The following RANBP9 variants were observed in gnomAD, a reference collection of about 807,000 sequenced individuals.
RANBP9 encodes the protein ran-binding protein 9.
Under a neutral mutation model 84.3 loss-of-function variants are expected in RANBP9, and 15 were observed. The observed-to-expected ratio is 0.18, with a 90% CI of 0.12 to 0.27. The LOEUF is 0.27. Among genes scored for constraint, RANBP9 ranks in the 10% least tolerant of loss-of-function variants. RANBP9 has a pLI of 1.00. For synonymous variants in RANBP9, 392 were observed against 349.6 expected, an observed-to-expected ratio of 1.12 and a Z score of -1.35; for missense variants, 809 against 912.8, an observed-to-expected ratio of 0.89 and a Z score of 1.46.
intron 6 of RANBP9, among the ~76,000 whole-genome samples, chr6:13,644,169 C>T (rs573334401): frequency 3.3e-5 from 5 of 152,250 alleles, no homozygotes; most frequent in African/African-American, 1.2e-4. Flanking sequence ...ATTATAAGAT[C>T]TAGATTATCT....
chr6:13,636,734 C>T (rs1764947678), intron 10 of RANBP9, among the ~76,000 whole-genome samples: 1 of 152,206 alleles, frequency 6.6e-6, no homozygotes, highest in African/African-American at 2.4e-5. Context: ...TTCTGCTCTT[C>T]TCATACACTT....
chr6:13,650,540 C>T (rs113392265), intron 5 of RANBP9, among the ~76,000 whole-genome samples: 389 of 152,088 alleles, frequency 2.6e-3, no homozygotes, highest in African/African-American at 9.1e-3. Flanking sequence ...TGCACAGGAG[C>T]GATTTGTTAA....
At chr6:13,666,712 A>ATGATGGTACT (rs995628889) in intron 2 of RANBP9, among the ~76,000 whole-genome samples, 1 of 151,436 alleles carries the variant, frequency 6.6e-6, no homozygotes, top group African/African-American at 2.4e-5. Context: ...GCAGTAAGAC[A>ATGATGGTACT]TGATGGTACT....
intron 2 of RANBP9, among the ~76,000 whole-genome samples, chr6:13,678,917 T>C (rs936744421): frequency 3.3e-5 from 5 of 152,210 alleles, no homozygotes; most frequent in Non-Finnish European, 5.9e-5. Context: ...TTTAAGTATA[T>C]GCATGCTCAA....
At chr6:13,706,495 C>G (rs1414077219) in intron 1 of RANBP9, among the ~76,000 whole-genome samples, 1 of 149,828 alleles carries the variant, frequency 6.7e-6, no homozygotes, top group East Asian at 2.0e-4. Context: ...GAGATCGAGA[C>G]CATCCTGGCC....
In RANBP9 at chr6:13,644,594, G is replaced by T. The variant is rs760527327; in HGVS notation, c.1063C>A (p.Arg355=). The change falls in exon 6 of 14, where the codon CGA becomes AGA. Residue 355 remains arginine (R), a synonymous_variant. Transcript: ENST00000011619. ...WRTKIQAQID[R]FPIGDREGEW... ...CCTTCTCGATCTCCGATAGGAAATC[G>T]ATCTATCTGTGCCTGGATTTTGGTT... 2.5e-6 allele frequency: 4 copies of T among 1,612,786 alleles called. No individual in the cohort carries two copies. The highest frequency in any genetic ancestry group is 3.4e-6 in the Non-Finnish European group (4 of 1,179,548).
chr6:13,707,696 C>G (rs543732189), intron 1 of RANBP9, among the ~76,000 whole-genome samples: 80 of 152,286 alleles, frequency 5.3e-4, no homozygotes, highest in African/African-American at 1.8e-3. Flanking sequence ...AGGATCTTGT[C>G]CAGATCCACT....
At chr6:13,700,859 C>T (rs968219460) in intron 1 of RANBP9, among the ~76,000 whole-genome samples, 13 of 152,130 alleles carry the variant, frequency 8.5e-5, no homozygotes, top group African/African-American at 3.1e-4. Flanking sequence ...TGATTAATGC[C>T]TACAAAGTTC....
At chr6:13,656,523 G>A (rs142634027) in intron 4 of RANBP9, among the ~76,000 whole-genome samples, 84 of 152,196 alleles carry the variant, frequency 5.5e-4, no homozygotes, top group African/African-American at 1.9e-3. Context: ...TACAATGTAT[G>A]GGTTTCAAGT....
intron 2 of RANBP9, among the ~76,000 whole-genome samples, chr6:13,696,207 C>T (rs552806606): frequency 2.1e-4 from 32 of 152,216 alleles, no homozygotes; most frequent in African/African-American, 6.7e-4. Flanking sequence ...TTTTAATAGT[C>T]TCATAAGTGA....
intron 3 of RANBP9, 76 bp downstream of exon 3, chr6:13,658,704 C>T (rs1765465940): frequency 1.7e-6 from 2 of 1,194,864 alleles, no homozygotes; most frequent in East Asian, 4.7e-5. Context: ...TTAAATATTA[C>T]AATTTCTTAC....
chr6:13,631,750 G>A (rs188145593), intron 12 of RANBP9, among the ~76,000 whole-genome samples: 2 of 152,234 alleles, frequency 1.3e-5, no homozygotes, highest in Admixed American at 1.3e-4. Context: ...CTTAAGTTAG[G>A]AGAAAGCCCC....
Position 13,652,874 on chromosome 6 carries a change from T to A in RANBP9, c.905-193A>T, listed in dbSNP as rs1374421432. Among the ~76,000 whole-genome samples, 4 of 152,280 alleles carry A rather than the reference T, an allele frequency of 2.6e-5. No individual in the cohort carries two copies. In the South Asian group the frequency reaches 8.3e-4, roughly 32 times the overall value. ...CTGAGTGAACAAACGCTGTCCCCTT[T>A]CAAGATAATCAGCCTTGCTAGTCAT... is the stretch of plus-strand genomic sequence containing the variant. On this transcript the variant is annotated intron_variant, in intron 4 of 13. Transcript: ENST00000011619.
chr6:13,692,817 C>T (rs1766357802), intron 2 of RANBP9, among the ~76,000 whole-genome samples: 1 of 152,154 alleles, frequency 6.6e-6, no homozygotes, highest in Non-Finnish European at 1.5e-5. Flanking sequence ...CGTGCCACTG[C>T]ACTCCAGCCT....
intron 1 of RANBP9, among the ~76,000 whole-genome samples, chr6:13,702,477 G>A (rs1188045314): frequency 1.3e-5 from 2 of 152,056 alleles, no homozygotes; most frequent in African/African-American, 4.8e-5. Context: ...TACATTTCCT[G>A]GAACACCATA....
chr6:13,684,311 C>G (rs1229103416), intron 2 of RANBP9, among the ~76,000 whole-genome samples: 2 of 152,190 alleles, frequency 1.3e-5, no homozygotes, highest in East Asian at 3.8e-4. Context: ...AGAAATCCCT[C>G]TGCATCTCCT....
chr6:13,686,263 C>T (rs1051804951), intron 2 of RANBP9, among the ~76,000 whole-genome samples: 4 of 151,444 alleles, frequency 2.6e-5, no homozygotes, highest in African/African-American at 9.7e-5. Flanking sequence ...TGCCACTACA[C>T]CCGGCTAATT....
At chr6:13,682,656 G>T (rs993344215) in intron 2 of RANBP9, among the ~76,000 whole-genome samples, 1 of 152,040 alleles carries the variant, frequency 6.6e-6, no homozygotes, top group Non-Finnish European at 1.5e-5. Context: ...TCGCCATGTT[G>T]GCCAGGCTGG....
chr6:13,708,585 G>A (rs1561700035), intron 1 of RANBP9, among the ~76,000 whole-genome samples: 2 of 152,158 alleles, frequency 1.3e-5, no homozygotes, highest in African/African-American at 4.8e-5. Flanking sequence ...GTGAATATAT[G>A]AATAGTAGTT....
Sources: gnomAD v4.1 joint callset for allele counts (sites outside exome capture counted in the v4.1 genomes callset) on GRCh38, gnomAD v4.1.1 for gene constraint, MANE v1.5 for transcripts, NCBI Gene and HGNC (gene_info 2026-07-23, HGNC 2026-07-21) for gene names.